The following ADGB variants were observed in gnomAD, a reference collection of about 807,000 sequenced individuals.
The protein encoded by ADGB is androglobin.
ADGB carries 172 observed loss-of-function variants against 210.5 expected under a neutral mutation model. The observed-to-expected ratio is 0.82, with a 90% CI of 0.72 to 0.93. The LOEUF is 0.93. Among genes scored for constraint, ADGB ranks in the 40% least tolerant of loss-of-function variants. The pLI is 0.00. For synonymous variants in ADGB, 658 were observed against 662.7 expected (o/e 0.99, Z 0.11); for missense variants, 2,025 against 1,964.8 (o/e 1.03, Z -0.58).
At chr6:146,782,245 G>A (rs749150645) in intron 30 of ADGB, 53 bp downstream of exon 30, 1 of 1,414,354 alleles carries the variant, frequency 7.1e-7, no homozygotes, top group East Asian at 2.7e-5. Flanking sequence ...AGGTTCAGTG[G>A]ATTCCTATTT....
chr6:146,700,378 C>A (rs960233959), intron 12 of ADGB, among the ~76,000 whole-genome samples: 2 of 152,112 alleles, frequency 1.3e-5, no homozygotes, highest in Non-Finnish European at 2.9e-5. Flanking sequence ...TTGATGAAGT[C>A]TATGTACATG....
chr6:146,716,843 T>A, intron 14 of ADGB, 40 bp from the exon 15 acceptor site: 2 of 1,461,306 alleles, frequency 1.4e-6, no homozygotes, highest in Non-Finnish European at 1.8e-6. Flanking sequence ...TAACTTGTTA[T>A]TTAACAATAT....
At chr6:146,789,006 A>AT (rs1562301527) in intron 33 of ADGB, among the ~76,000 whole-genome samples, 1 of 152,294 alleles carries the variant, frequency 6.6e-6, no homozygotes, top group South Asian at 2.1e-4. Flanking sequence ...TAAGAATGTC[A>AT]TTTTTTAAAT....
intron 1 of ADGB, among the ~76,000 whole-genome samples, chr6:146,611,450 CTCTCTAAGA>C (rs1225095109): frequency 6.6e-6 from 1 of 152,112 alleles, no homozygotes; most frequent in South Asian, 2.1e-4. Flanking sequence ...TCCTTGCTGC[CTCTCTAAGA>C]AGCTCTCCAT....
intron 2 of ADGB, among the ~76,000 whole-genome samples, chr6:146,638,619 G>A (rs796922907): frequency 7.6e-6 from 1 of 132,432 alleles, no homozygotes; most frequent in East Asian, 2.4e-4. Flanking sequence ...TGGGGGGGGG[G>A]GGGAGGGATA....
intron 1 of ADGB, among the ~76,000 whole-genome samples, chr6:146,633,648 CTT>C: frequency 6.6e-6 from 1 of 152,202 alleles, no homozygotes; most frequent in South Asian, 2.1e-4. Flanking sequence ...TGATCCCTCA[CTT>C]TCTTTTATTA....
At position 146,672,200 on chromosome 6, in the gene ADGB, G is replaced by A; in HGVS notation, c.840-20G>A. On this transcript the variant is annotated intron_variant, in intron 7 of 35. Coordinates refer to ENST00000397944, the MANE Select transcript of ADGB (RefSeq NM_024694.4). ...AAAAAAACATCGTTTGGAAATTAAT[G>A]TTTTTGTCTTTTCTCTTAGCCCGGG... The A allele has an allele frequency of 1.7e-5, 25 of 1,462,752 alleles. No individual in the cohort carries two copies. Among genetic ancestry groups the A allele is most frequent in the Non-Finnish European group, 2.3e-5 (25 of 1,103,802 alleles). 90.6% of individuals were successfully genotyped at this position (1,462,752 alleles called of 1,614,324 possible). A position where few individuals can be genotyped will look rare whatever the true frequency, so the allele number is the denominator to read the frequency against.
chr6:146,734,437 CAAAT>C (rs1220964852), intron 22 of ADGB, among the ~76,000 whole-genome samples: 2 of 152,116 alleles, frequency 1.3e-5, no homozygotes, highest in Non-Finnish European at 2.9e-5. Flanking sequence ...ATTTTTCAAA[CAAAT>C]GAGTGAATAA....
At chr6:146,651,896 T>G (rs986691437) in intron 3 of ADGB, among the ~76,000 whole-genome samples, 1 of 152,104 alleles carries the variant, frequency 6.6e-6, no homozygotes, top group Non-Finnish European at 1.5e-5. Flanking sequence ...GCTAAGCTAC[T>G]CGATTACACT....
chr6:146,740,132 A>G (rs970876324), intron 23 of ADGB, among the ~76,000 whole-genome samples: 14 of 152,054 alleles, frequency 9.2e-5, no homozygotes, highest in African/African-American at 2.9e-4. Flanking sequence ...GCTTGCTTCT[A>G]GTTTTTCTAT....
At chr6:146,701,093 T>C (rs924989040) in intron 13 of ADGB, 23 bp downstream of exon 13, 42 of 1,547,988 alleles carry the variant, frequency 2.7e-5, no homozygotes, top group Non-Finnish European at 3.6e-5. Context: ...CTCTTACTGT[T>C]GGCCCAACTC....
intron 13 of ADGB, among the ~76,000 whole-genome samples, chr6:146,705,567 G>T (rs1191875787): frequency 6.6e-6 from 1 of 151,960 alleles, no homozygotes; most frequent in Non-Finnish European, 1.5e-5. Flanking sequence ...CTTTTAATGT[G>T]GTATATCATA....
chr6:146,794,947 C>G (rs9485122), intron 33 of ADGB, among the ~76,000 whole-genome samples: 14,617 of 152,066 alleles, frequency 0.096, 1,155 homozygotes, highest in African/African-American at 0.22. Context: ...ATAAAGGTCT[C>G]CTTGTCAAGA....
intron 3 of ADGB, among the ~76,000 whole-genome samples, chr6:146,646,464 G>A (rs1583572861): frequency 2.0e-5 from 3 of 152,198 alleles, no homozygotes; most frequent in East Asian, 1.9e-4. Context: ...AAGTCAAAAA[G>A]CAAGGTTACA....
At position 146,635,474 on chromosome 6, in the gene ADGB, A is replaced by G. The variant is rs192301731; in HGVS notation, c.174A>G (p.Ser58=). ...AGTGGAGTGAAGCTGACATAAATTCAGAAAAGTGGGATGCAGGCAAAGGTG... is the reference window on the plus strand; with the variant it reads ...AGTGGAGTGAAGCTGACATAAATTCGGAAAAGTGGGATGCAGGCAAAGGTG... ...WPEWSEADIN[S]EKWDAGKGAK... Residue 58 remains serine, a synonymous_variant, in exon 2 of 36, where the codon TCA becomes TCG. Coordinates refer to ENST00000397944, the MANE Select transcript of ADGB (RefSeq NM_024694.4). 2.5e-4 allele frequency: 394 copies of G among 1,548,914 alleles called. 1 individual carries two copies. The African/African-American group carries it at 4.8e-3, about 19-fold the overall frequency.
chr6:146,599,179 G>A (rs1667423841), intron 1 of ADGB, 65 bp downstream of exon 1: 3 of 1,439,370 alleles, frequency 2.1e-6, no homozygotes, highest in Non-Finnish European at 2.9e-6. Context: ...ACTAGTTCTG[G>A]GGCTGCCTCC....
chr6:146,666,125 G>A (rs1244000335), intron 6 of ADGB, among the ~76,000 whole-genome samples: 2 of 152,042 alleles, frequency 1.3e-5, no homozygotes, highest in African/African-American at 2.4e-5. Flanking sequence ...TGTTGGTAAT[G>A]CCATTAACAC....
chr6:146,731,375 T>C (rs1164798749), intron 20 of ADGB, among the ~76,000 whole-genome samples: 1 of 150,390 alleles, frequency 6.6e-6, no homozygotes, highest in African/African-American at 2.4e-5. Flanking sequence ...AAAAAAGCTA[T>C]AGTCTCTACA....
rs754253680 is a variant in ADGB, at chr6:146,647,097, ACAAAAAAC to A, written c.330+2233_330+2240del. Among the ~76,000 whole-genome samples, 90 of 137,994 alleles carry A rather than the reference ACAAAAAAC, an allele frequency of 6.5e-4. 1 individual carries two copies. The highest frequency in any genetic ancestry group is 1.0e-3 in the Non-Finnish European group (66 of 63,984). The allele number at this position is 137,994 out of a possible 152,430, so 90.5% of individuals were successfully genotyped here. The stretch of plus-strand genomic sequence containing the variant: ...GAGTGAGAGCCTGTCTCAAAAAAAA[ACAAAAAAC>A]AAAAAACAAAAAACAAACAAACAAA... On this transcript the variant is annotated intron_variant, in intron 3 of 35. Coordinates refer to ENST00000397944, the MANE Select transcript of ADGB (RefSeq NM_024694.4).
Sources: allele counts gnomAD v4.1 joint callset (sites outside exome capture counted in the v4.1 genomes callset), GRCh38; gene constraint gnomAD v4.1.1; transcripts MANE v1.5; gene names NCBI Gene and HGNC (gene_info 2026-07-23, HGNC 2026-07-21).